The following PLA2G4C variants were observed in gnomAD, a reference collection of about 807,000 sequenced individuals.
PLA2G4C encodes phospholipase A2 group IVC.
Under a neutral mutation model 73.8 loss-of-function variants are expected in PLA2G4C, and 64 were observed. That is an observed-to-expected ratio of 0.87 (90% CI 0.71 to 1.07). The LOEUF is 1.07. PLA2G4C is among the 50% of genes least tolerant of loss of function. The probability of loss-of-function intolerance (pLI) is 0.00; values close to 1 mark genes in which losing one functional copy is unlikely to be tolerated. For missense variants in PLA2G4C, 622 were observed against 665.4 expected (o/e 0.93, Z 0.72); for synonymous variants, 254 against 252.1 (o/e 1.01, Z -0.07).
At chr19:48,103,934 C>T (rs1251250189) in intron 4 of PLA2G4C, 1 of 151,714 alleles carries the variant, frequency 6.6e-6, no homozygotes, top group Admixed American at 6.6e-5. Context: ...GAGACAGGGT[C>T]TCTCTGTCAC....
At chr19:48,049,504 C>T (rs1319303029) in intron 16 of PLA2G4C, among the ~76,000 whole-genome samples, 3 of 152,006 alleles carry the variant, frequency 2.0e-5, no homozygotes, top group African/African-American at 7.2e-5. Context: ...ATGTTGCCCC[C>T]CGGGAGGAGG....
intron 4 of PLA2G4C, among the ~76,000 whole-genome samples, chr19:48,100,315 G>C (rs1036792268): frequency 6.6e-6 from 1 of 152,022 alleles, no homozygotes; most frequent in South Asian, 2.1e-4. Context: ...TCAGGAGTTC[G>C]AGACCAGCCT....
Position 48,106,535 on chromosome 19 carries a change from A to C in PLA2G4C, c.-6T>G. The stretch of plus-strand genomic sequence containing the variant: ...AAGAGGACTTACCTTCCCATGGTGC[A>C]CTGCGGTCAGAAAATTCTCAGTCCT... On this transcript the variant is annotated 5_prime_UTR_variant, in exon 2 of 17. Coordinates refer to ENST00000599921, the MANE Select transcript of PLA2G4C (RefSeq NM_003706.3). The C allele has an allele frequency of 6.2e-7, 1 of 1,612,844 alleles. No homozygotes were observed. The highest frequency in any genetic ancestry group is 8.5e-7 in the Non-Finnish European group (1 of 1,178,832).
chr19:48,080,363 A>G (rs1211393274), intron 10 of PLA2G4C, among the ~76,000 whole-genome samples: 1 of 152,086 alleles, frequency 6.6e-6, no homozygotes, highest in East Asian at 1.9e-4. Context: ...CAAATGGAAC[A>G]CTCACACACT....
In PLA2G4C at chr19:48,098,218, T is replaced by C. The variant is rs1297444934; in HGVS notation, c.489A>G (p.Glu163=). 16 of 1,613,572 alleles carry C rather than the reference T, an allele frequency of 9.9e-6. No individual in the cohort carries two copies. In the East Asian group the frequency reaches 3.3e-4, roughly 34 times the overall value. Residue 163 remains glutamate, a synonymous_variant, in exon 6 of 17, where the codon GAA becomes GAG. Coordinates refer to ENST00000599921, the MANE Select transcript of PLA2G4C (RefSeq NM_003706.3). ...SHLSNMKKPV[E]EGTLPYPIFA... ...ATATTGGGTAGGGTAGTGTCCCTTCTTCCACGGGCTTCTTCATATTGGACA... is the reference window on the plus strand; with the variant it reads ...ATATTGGGTAGGGTAGTGTCCCTTCCTCCACGGGCTTCTTCATATTGGACA...
chr19:48,066,087 CAAA>C (rs199744302), intron 13 of PLA2G4C, among the ~76,000 whole-genome samples: 4 of 111,806 alleles, frequency 3.6e-5, no homozygotes, highest in African/African-American at 3.2e-5. Context: ...AACTCCATCT[CAAA>C]AAAAAAAAAA....
At chr19:48,051,581 G>GAA (rs1967727645) in intron 16 of PLA2G4C, among the ~76,000 whole-genome samples, 2 of 151,776 alleles carry the variant, frequency 1.3e-5, no homozygotes, top group South Asian at 4.2e-4. Context: ...GAGAGAGAGA[G>GAA]AGCAGGGGAA....
chr19:48,077,140 G>A (rs1207419427), intron 11 of PLA2G4C, among the ~76,000 whole-genome samples: 2 of 152,046 alleles, frequency 1.3e-5, no homozygotes, highest in Admixed American at 6.6e-5. Context: ...CTGACACTTG[G>A]ATCCTAGGCA....
intron 10 of PLA2G4C, among the ~76,000 whole-genome samples, chr19:48,078,886 T>TTC (rs2030348626): frequency 6.6e-6 from 1 of 151,746 alleles, no homozygotes; most frequent in Non-Finnish European, 1.5e-5. Context: ...TTTTTTTTTT[T>TTC]TGAGACTTAG....
intron 4 of PLA2G4C, among the ~76,000 whole-genome samples, chr19:48,102,722 C>T (rs967233651): frequency 4.6e-5 from 7 of 152,172 alleles, no homozygotes; most frequent in African/African-American, 1.7e-4. Flanking sequence ...GCCTTTCTCC[C>T]ATCGTGCTCT....
At chr19:48,049,168 T>C (rs761148852) in intron 16 of PLA2G4C, among the ~76,000 whole-genome samples, 7 of 152,174 alleles carry the variant, frequency 4.6e-5, no homozygotes, top group Non-Finnish European at 7.3e-5. Context: ...CCTTTATAAA[T>C]TACCGAGCCT....
At chr19:48,066,880 G>A (rs1968445596) in intron 13 of PLA2G4C, among the ~76,000 whole-genome samples, 1 of 151,854 alleles carries the variant, frequency 6.6e-6, no homozygotes, top group Non-Finnish European at 1.5e-5. Flanking sequence ...GAAATGGGAG[G>A]ATTGCTTGAG....
At chr19:48,081,220 G>C (rs2122579201) in intron 10 of PLA2G4C, among the ~76,000 whole-genome samples, 1 of 150,782 alleles carries the variant, frequency 6.6e-6, no homozygotes, top group Admixed American at 6.6e-5. Context: ...AGTGGATACA[G>C]AATATGTGGT....
intron 10 of PLA2G4C, among the ~76,000 whole-genome samples, chr19:48,079,387 C>A (rs1020762217): frequency 1.3e-5 from 2 of 152,224 alleles, no homozygotes; most frequent in Middle Eastern, 3.4e-3. Context: ...GCCAAGTGAT[C>A]TTCGACAAAG....
chr19:48,068,051 C>T, intron 12 of PLA2G4C, 165 bp from the exon 13 acceptor site: 1 of 616,766 alleles, frequency 1.6e-6, no homozygotes, highest in Non-Finnish European at 2.9e-6. Flanking sequence ...CGCCAGTCAT[C>T]CCAGCACTTT....
In PLA2G4C at chr19:48,052,982, T is replaced by C; in HGVS notation, c.1580+15A>G. ...ACGAGCATAGGCATCAGAGCGACTA[T>C]GGTCTCCCACCTACCCGGCCACGTT... On this transcript the variant is annotated intron_variant, in intron 16 of 16. Coordinates refer to ENST00000599921, the MANE Select transcript of PLA2G4C (RefSeq NM_003706.3). 1 of 1,596,788 alleles carries C rather than the reference T, an allele frequency of 6.3e-7. No individual in the cohort carries two copies. The highest frequency in any genetic ancestry group is 8.6e-7 in the Non-Finnish European group (1 of 1,166,714).
rs117246063 is a variant in PLA2G4C at position 48,052,618 on chromosome 19, G to A, written c.1580+379C>T. ...TAGTTCTTTACAGCAGTGTGAAAAC[G>A]GACCAATATACACGGAGACAAGCGT... On this transcript the variant is annotated intron_variant, in intron 16 of 16. Coordinates refer to ENST00000599921, the MANE Select transcript of PLA2G4C (RefSeq NM_003706.3). Among the ~76,000 whole-genome samples, 1,362 of 152,132 alleles carry A rather than the reference G, an allele frequency of 9.0e-3. 9 individuals carry two copies. The highest frequency in any genetic ancestry group is 0.016 in the Non-Finnish European group (1,089 of 67,994).
At chr19:48,103,075 G>A (rs1568454627) in intron 4 of PLA2G4C, among the ~76,000 whole-genome samples, 1 of 152,140 alleles carries the variant, frequency 6.6e-6, no homozygotes, top group Non-Finnish European at 1.5e-5. Context: ...GTCTTGCTAT[G>A]TTGCCCAGGC....
chr19:48,078,216 T>A (rs2030300605), intron 10 of PLA2G4C, among the ~76,000 whole-genome samples: 1 of 152,182 alleles, frequency 6.6e-6, no homozygotes, highest in Admixed American at 6.6e-5. Flanking sequence ...GAGACATACT[T>A]CAATGTAATA....
Sources: allele counts gnomAD v4.1 joint callset (sites outside exome capture counted in the v4.1 genomes callset), GRCh38; gene constraint gnomAD v4.1.1; transcripts MANE v1.5; gene names NCBI Gene and HGNC (gene_info 2026-07-23, HGNC 2026-07-21).